The following SNTG1 variants were observed in gnomAD, a reference collection of about 807,000 sequenced individuals.
SNTG1 encodes gamma-1-syntrophin.
In SNTG1, 39 loss-of-function variants were observed where a neutral mutation model predicts 74.7. That is an observed-to-expected ratio of 0.52 (90% confidence interval 0.40 to 0.68). The LOEUF (loss-of-function observed/expected upper bound fraction) is 0.68. Among genes scored for constraint, SNTG1 ranks in the 30% least tolerant of loss-of-function variants. The pLI is 0.00. For synonymous variants in SNTG1, 254 were observed against 217.1 expected, an observed-to-expected ratio of 1.17 and a Z score of -1.49; for missense variants, 685 against 609.5, an observed-to-expected ratio of 1.12 and a Z score of -1.30.
intron 10 of SNTG1, among the ~76,000 whole-genome samples, chr8:50,532,566 G>A (rs920361472): frequency 3.3e-5 from 5 of 152,178 alleles, no homozygotes; most frequent in East Asian, 1.9e-4. Context: ...TTTGTTGCTC[G>A]CACGGGAGCA....
At chr8:50,271,968 G>GC (rs1554624942) in intron 2 of SNTG1, among the ~76,000 whole-genome samples, 13 of 151,994 alleles carry the variant, frequency 8.6e-5, no homozygotes, top group Admixed American at 2.0e-4. Flanking sequence ...GAGCTCTTTT[G>GC]TTTTTTTGAC....
At chr8:50,750,075 A>C (rs6473336) in intron 17 of SNTG1, among the ~76,000 whole-genome samples, 63,403 of 151,914 alleles carry the variant, frequency 0.42, 15,686 homozygotes, top group African/African-American at 0.69. Flanking sequence ...ATTACATTAT[A>C]TATGATTCAT....
intron 17 of SNTG1, among the ~76,000 whole-genome samples, chr8:50,727,648 C>T (rs1404044917): frequency 6.6e-6 from 1 of 152,134 alleles, no homozygotes; most frequent in Non-Finnish European, 1.5e-5. Flanking sequence ...GTTGTCAAGG[C>T]CATAACTGAC....
At chr8:50,720,978 T>A (rs1192474926) in intron 17 of SNTG1, among the ~76,000 whole-genome samples, 1 of 152,166 alleles carries the variant, frequency 6.6e-6, no homozygotes, top group Non-Finnish European at 1.5e-5. Flanking sequence ...TAAACAGAAA[T>A]TTTTCTCTAG....
At chr8:50,299,043 C>G (rs1320066108) in intron 2 of SNTG1, among the ~76,000 whole-genome samples, 2 of 152,012 alleles carry the variant, frequency 1.3e-5, no homozygotes, top group African/African-American at 4.8e-5. Context: ...CTCAAAATTC[C>G]CATGGAAACA....
intron 1 of SNTG1, among the ~76,000 whole-genome samples, chr8:50,007,149 A>G (rs318921): frequency 0.042 from 6,419 of 151,666 alleles, 472 homozygotes; most frequent in African/African-American, 0.15. Flanking sequence ...GTATGGTGGG[A>G]CTCTATTTCC....
chr8:50,005,856 A>G (rs186204485), intron 1 of SNTG1, among the ~76,000 whole-genome samples: 65 of 151,174 alleles, frequency 4.3e-4, no homozygotes, highest in African/African-American at 1.5e-3. Context: ...TGGACCTGTC[A>G]TCTAGCTCAC....
At chr8:50,382,387 T>C (rs2092502842) in intron 2 of SNTG1, 1 of 152,160 alleles carries the variant, frequency 6.6e-6, no homozygotes, top group African/African-American at 2.4e-5. Flanking sequence ...GTTTAAAGGA[T>C]TTTCAGGAAT....
intron 13 of SNTG1, among the ~76,000 whole-genome samples, chr8:50,593,525 G>T (rs1000065593): frequency 6.6e-6 from 1 of 151,282 alleles, no homozygotes; most frequent in African/African-American, 2.4e-5. Flanking sequence ...AACCAAACAG[G>T]AGTTCAAAAA....
intron 2 of SNTG1, among the ~76,000 whole-genome samples, chr8:50,295,139 G>T (rs1639274479): frequency 6.6e-6 from 1 of 152,132 alleles, no homozygotes; most frequent in Non-Finnish European, 1.5e-5. Context: ...ATTTAGGGAA[G>T]AAACAAAGAA....
At chr8:49,927,684 G>A (rs555224991) in intron 1 of SNTG1, among the ~76,000 whole-genome samples, 93 of 152,200 alleles carry the variant, frequency 6.1e-4, no homozygotes, top group Middle Eastern at 3.4e-3. Context: ...ATTAGGGGGA[G>A]GGAGGGATAA....
chr8:50,219,903 C>T (rs1269403102), intron 2 of SNTG1, among the ~76,000 whole-genome samples: 1 of 152,230 alleles, frequency 6.6e-6, no homozygotes, highest in East Asian at 1.9e-4. Flanking sequence ...TAAGACGAAA[C>T]AGACTTTAAG....
intron 1 of SNTG1, among the ~76,000 whole-genome samples, chr8:50,076,863 G>T (rs940448629): frequency 2.6e-5 from 4 of 152,060 alleles, no homozygotes; most frequent in South Asian, 2.1e-4. Context: ...CTTTATTTTA[G>T]TGTGTTTTTA....
chr8:50,160,651 A>G lies in SNTG1; in HGVS notation c.-102-11910A>G, dbSNP rs188260224. ...AGGCATGTGATTTGTGATCTGAGTC[A>G]TAATATATTTCTGAAATCTCCCTTA... On this transcript the variant is annotated intron_variant, in intron 1 of 18. Coordinates refer to ENST00000642720, the MANE Select transcript of SNTG1 (RefSeq NM_018967.5). Among the ~76,000 whole-genome samples the G allele has an allele frequency of 5.2e-3, 795 of 152,318 alleles. 13 individuals carry two copies. Among genetic ancestry groups the G allele is most frequent in the Non-Finnish European group, 3.5e-3 (238 of 68,024 alleles).
intron 3 of SNTG1, among the ~76,000 whole-genome samples, chr8:50,397,842 A>G (rs1461194991): frequency 6.6e-6 from 1 of 152,202 alleles, no homozygotes; most frequent in East Asian, 1.9e-4. Flanking sequence ...TTCTTCCTCT[A>G]GGTCCCTCTG....
chr8:50,090,467 A>T (rs192937086), intron 1 of SNTG1, among the ~76,000 whole-genome samples: 20 of 152,272 alleles, frequency 1.3e-4, no homozygotes, highest in Non-Finnish European at 2.6e-4. Flanking sequence ...TTCTCACAAA[A>T]TCAAAGAGCA....
intron 12 of SNTG1, among the ~76,000 whole-genome samples, chr8:50,582,768 C>T (rs543619350): frequency 1.1e-4 from 16 of 152,144 alleles, no homozygotes; most frequent in African/African-American, 3.4e-4. Flanking sequence ...TAATGAATGT[C>T]CTTTTAAGAA....
chr8:50,446,703 C>T (rs1353629324), intron 5 of SNTG1, among the ~76,000 whole-genome samples: 1 of 151,878 alleles, frequency 6.6e-6, no homozygotes, highest in African/African-American at 2.4e-5. Context: ...AACAGAAAAC[C>T]AAAAACCATG....
intron 2 of SNTG1, among the ~76,000 whole-genome samples, chr8:50,288,961 T>A (rs1345297848): frequency 6.6e-6 from 1 of 152,186 alleles, no homozygotes; most frequent in Non-Finnish European, 1.5e-5. Context: ...AAAATATTAA[T>A]TCCAAAAATA....
Sources: gnomAD v4.1 joint callset for allele counts (sites outside exome capture counted in the v4.1 genomes callset) on GRCh38, gnomAD v4.1.1 for gene constraint, MANE v1.5 for transcripts, NCBI Gene and HGNC (gene_info 2026-07-23, HGNC 2026-07-21) for gene names.